Variants in RNF157 observed in about 807,000 individuals in gnomAD.
RNF157 encodes E3 ubiquitin ligase RNF157.
RNF157 carries 55 observed loss-of-function variants against 88.3 expected under a neutral mutation model. The observed-to-expected ratio is 0.62, with a 90% CI of 0.50 to 0.78. The LOEUF is 0.78. Ranked by LOEUF, RNF157 falls within the 30% of genes least tolerant of loss-of-function variation. RNF157 has a pLI of 0.00. For missense variants in RNF157, 788 were observed against 860.8 expected, an observed-to-expected ratio of 0.92 and a Z score of 1.06; for synonymous variants, 334 against 341.2, an observed-to-expected ratio of 0.98 and a Z score of 0.23.
rs1363522637 is a variant in RNF157, at chr17:76,143,312, A to C, written c.*1923T>G. Reference sequence around the variant, plus strand: ...GCCACTGTGGCTACTGTTTACCTGAATCTCCTTCATCTCAGCTCCTTCCTC... The same window carrying C: ...GCCACTGTGGCTACTGTTTACCTGACTCTCCTTCATCTCAGCTCCTTCCTC... On this transcript the variant is annotated 3_prime_UTR_variant, in exon 19 of 19. Coordinates refer to ENST00000269391, the MANE Select transcript of RNF157 (RefSeq NM_052916.3). 6.6e-6 allele frequency: 1 copy of C among 152,134 alleles called. No individual in the cohort carries two copies. The highest frequency in any genetic ancestry group is 1.5e-5 in the Non-Finnish European group (1 of 68,100). 9.4% of individuals were successfully genotyped at this position (152,134 alleles called of 1,614,324 possible). A position where few individuals can be genotyped will look rare whatever the true frequency, so the allele number is the denominator to read the frequency against.
At chr17:76,223,508 A>T (rs1411214658) in intron 1 of RNF157, among the ~76,000 whole-genome samples, 1 of 152,186 alleles carries the variant, frequency 6.6e-6, no homozygotes, top group East Asian at 1.9e-4. Flanking sequence ...ACACATAAAC[A>T]ATACCTGACT....
In RNF157 at chr17:76,146,960, C is replaced by T. The variant is rs1010858581; in HGVS notation, c.1922-1607G>A. On this transcript the variant is annotated intron_variant, in intron 18 of 18. Transcript: ENST00000269391. This position sits in a 1 kb window ranked among gnomAD's most constrained non-coding sequence, Gnocchi z 4.2. ...TATAAATGGCTTATTTCCATCAATG[C>T]CTTGGTGTGCTAATCCACCTCAGGC... 9 of 985,272 alleles carry T rather than the reference C, an allele frequency of 9.1e-6. No homozygotes were observed. The Admixed American group carries it at 1.8e-4, about 20-fold the overall frequency. The allele number at this position is 985,272 out of a possible 1,614,324, so 61.0% of individuals were successfully genotyped here.
rs543374305 is a variant in RNF157, at chr17:76,229,643, G to A, written c.88+10510C>T. ...ATAACCTTTTCTTCTGGAAGGAGGA[G>A]GAATCAAGGGCACTTTATCTGAAGA... On this transcript the variant is annotated intron_variant, in intron 1 of 18. Coordinates refer to ENST00000269391, the MANE Select transcript of RNF157 (RefSeq NM_052916.3). Among the ~76,000 whole-genome samples, 118 of 152,270 alleles carry A rather than the reference G, an allele frequency of 7.7e-4. 2 individuals carry two copies. In the South Asian group the frequency reaches 0.023, roughly 29 times the overall value.
At position 76,173,827 on chromosome 17, in the gene RNF157, TA is replaced by T. The variant is rs769535632; in HGVS notation, c.208-38del. On this transcript the variant is annotated intron_variant, in intron 2 of 18. Transcript: ENST00000269391. ...ACAAAGCAGGAGAAGGTGGTGTGTT[TA>T]AAAAGACCCACAGCTGTCCCTCGCT... is the stretch of plus-strand genomic sequence containing the variant. The T allele has an allele frequency of 3.2e-6, 5 of 1,541,556 alleles. No individual in the cohort carries two copies. The Admixed American group carries it at 7.0e-5, about 22-fold the overall frequency.
chr17:76,223,495 T>C (rs1032675185), intron 1 of RNF157, among the ~76,000 whole-genome samples: 1 of 152,200 alleles, frequency 6.6e-6, no homozygotes, highest in Non-Finnish European at 1.5e-5. Context: ...GCCAAGGTTC[T>C]TTACACATAA....
Position 76,155,713 on chromosome 17 carries a change from G to A in RNF157, c.1547C>T (p.Ala516Val), listed in dbSNP as rs766478237. The change falls in exon 15 of 19, where the codon GCC (alanine) becomes GTC (valine). Residue 516 changes from alanine to valine, a missense_variant. By Grantham distance (64) the Ala-to-Val change is moderately conservative. Coordinates refer to ENST00000269391, the MANE Select transcript of RNF157 (RefSeq NM_052916.3). ...GGATGCCATGGACATGACAGACTGG[G>A]CCAAGCTGCTGCTGGCAGGGCCTTT... Reference protein sequence around the residue: ...SPEGPASSSLAQSVMSMASSQ... With the variant: ...SPEGPASSSLVQSVMSMASSQ... 9 of 1,589,560 alleles carry A rather than the reference G, an allele frequency of 5.7e-6. No individual in the cohort carries two copies. In the Admixed American group the frequency reaches 1.1e-4, roughly 19 times the overall value.
At chr17:76,148,825 C>T (rs2068628674) in intron 18 of RNF157, among the ~76,000 whole-genome samples, 1 of 152,178 alleles carries the variant, frequency 6.6e-6, no homozygotes, top group Non-Finnish European at 1.5e-5. Context: ...TTGCCTCAGC[C>T]TCTCAAAATG....
chr17:76,207,506 AC>A (rs1312083339), intron 2 of RNF157, among the ~76,000 whole-genome samples: 2 of 152,242 alleles, frequency 1.3e-5, no homozygotes, highest in Non-Finnish European at 2.9e-5. Context: ...CAAATGACAA[AC>A]TTTTTAGTCT....
At chr17:76,239,058 T>C (rs2070328767) in intron 1 of RNF157, among the ~76,000 whole-genome samples, 1 of 152,162 alleles carries the variant, frequency 6.6e-6, no homozygotes, top group Non-Finnish European at 1.5e-5. Flanking sequence ...ATGTCTCTAT[T>C]CTACCAAAAA....
chr17:76,152,277 G>A, intron 18 of RNF157, 78 bp downstream of exon 18: 1 of 930,196 alleles, frequency 1.1e-6, no homozygotes, highest in Non-Finnish European at 1.8e-6. Context: ...CAGGAGATGG[G>A]TGTACCAGGG....
chr17:76,192,833 TTTC>T (rs934756871), intron 2 of RNF157, among the ~76,000 whole-genome samples: 2 of 149,182 alleles, frequency 1.3e-5, no homozygotes, highest in Non-Finnish European at 2.9e-5. Flanking sequence ...GCTCTCCCAC[TTTC>T]TTTCCTTTTT....
rs1204060401 is a variant in RNF157, at chr17:76,160,790, C to A, written c.1065+745G>T. ...GTTCTTGCTTTCAAGCTTAGAGAATCCTTTCCAATCCAAAGTCAACTAAAT... is the reference window on the plus strand; with the variant it reads ...GTTCTTGCTTTCAAGCTTAGAGAATACTTTCCAATCCAAAGTCAACTAAAT... On this transcript the variant is annotated intron_variant, in intron 11 of 18. Coordinates refer to ENST00000269391, the MANE Select transcript of RNF157 (RefSeq NM_052916.3). This position sits in a 1 kb window ranked among gnomAD's most constrained non-coding sequence, Gnocchi z 4.3. Among the ~76,000 whole-genome samples, 1 of 151,806 alleles carries A rather than the reference C, an allele frequency of 6.6e-6. No individual in the cohort carries two copies. Among genetic ancestry groups the A allele is most frequent in the South Asian group, 2.1e-4 (1 of 4,838 alleles).
At chr17:76,228,504 CTTGT>C (rs2070133193) in intron 1 of RNF157, among the ~76,000 whole-genome samples, 1 of 152,330 alleles carries the variant, frequency 6.6e-6, no homozygotes, top group Admixed American at 6.5e-5. Context: ...AACCATCCTT[CTTGT>C]TTAACACTTG....
chr17:76,154,762 C>T lies in RNF157; in HGVS notation c.1765-434G>A, dbSNP rs980565710. 10 of 225,176 alleles carry T rather than the reference C, an allele frequency of 4.4e-5. No homozygotes were observed. In the South Asian group the frequency reaches 5.0e-4, roughly 11 times the overall value. 13.9% of individuals were successfully genotyped at this position (225,176 alleles called of 1,614,324 possible). ...TTCTAGGGCTCTCACTGTGAGCTGG[C>T]GTTCCACAGCACACCATGGTCAGGG... On this transcript the variant is annotated intron_variant, in intron 16 of 18. Coordinates refer to ENST00000269391, the MANE Select transcript of RNF157 (RefSeq NM_052916.3).
chr17:76,219,189 C>T (rs1419518300), intron 1 of RNF157, among the ~76,000 whole-genome samples: 1 of 151,546 alleles, frequency 6.6e-6, no homozygotes, highest in Non-Finnish European at 1.5e-5. Flanking sequence ...AATTTAACAG[C>T]AGTATATAAA....
chr17:76,239,935 G>C lies in RNF157; in HGVS notation c.88+218C>G, dbSNP rs1456851075. ...CGTGGAGGGGCTCGGTGCCCTCGGT[G>C]ACCCTGCTAGACCCGGCAGGACGCC... On this transcript the variant is annotated intron_variant, in intron 1 of 18. Transcript: ENST00000269391. Among the ~76,000 whole-genome samples the C allele has an allele frequency of 2.0e-5, 3 of 152,152 alleles. 1 individual carries two copies. Among genetic ancestry groups the C allele is most frequent in the Admixed American group, 1.3e-4 (2 of 15,288 alleles).
chr17:76,218,776 A>G (rs1328047354), intron 1 of RNF157, among the ~76,000 whole-genome samples: 1 of 152,200 alleles, frequency 6.6e-6, no homozygotes, highest in Non-Finnish European at 1.5e-5. Flanking sequence ...TCTACTAAAA[A>G]TACAAAAATT....
At chr17:76,199,846 A>T (rs2069542911) in intron 2 of RNF157, among the ~76,000 whole-genome samples, 1 of 152,202 alleles carries the variant, frequency 6.6e-6, no homozygotes, top group African/African-American at 2.4e-5. Context: ...TTAAGGATGA[A>T]AAGTAATATA....
chr17:76,215,109 G>A (rs954829735), intron 1 of RNF157, among the ~76,000 whole-genome samples: 10 of 152,046 alleles, frequency 6.6e-5, no homozygotes, highest in African/African-American at 2.4e-4. Flanking sequence ...ATACATTGAG[G>A]ATATACACAA....
Sources: gnomAD v4.1 joint callset for allele counts (sites outside exome capture counted in the v4.1 genomes callset) on GRCh38, gnomAD v4.1.1 for gene constraint, Gnocchi (gnomAD v3.1) non-coding constraint, MANE v1.5 for transcripts, NCBI Gene and HGNC (gene_info 2026-07-23, HGNC 2026-07-21) for gene names.